Variants in MPHOSPH8 observed in about 807,000 individuals in gnomAD.
The protein encoded by MPHOSPH8 is M-phase phosphoprotein 8.
Under a neutral mutation model 87.3 loss-of-function variants are expected in MPHOSPH8, and 45 were observed. The ratio of observed to expected loss-of-function variants is 0.52; its 90% CI spans 0.41 to 0.66. The LOEUF (loss-of-function observed/expected upper bound fraction) is 0.66. Among genes scored for constraint, MPHOSPH8 ranks in the 30% least tolerant of loss-of-function variants. The pLI is 0.00. For missense variants in MPHOSPH8, 883 were observed against 1,020.2 expected (o/e 0.87, Z 1.83); for synonymous variants, 366 against 376.9 (o/e 0.97, Z 0.33).
Position 19,633,670 on chromosome 13 carries a change from G to C in MPHOSPH8, c.-79G>C. ...TCCGTTACGCCGCTGATGTGGAGTA[G>C]GGCCGAGCGCGGAACGCGAGGGGCT... On this transcript the variant is annotated 5_prime_UTR_variant, in exon 1 of 14. Transcript: ENST00000361479. 6.8e-7 allele frequency: 1 copy of C among 1,480,910 alleles called. No homozygotes were observed. The highest frequency in any genetic ancestry group is 9.2e-7 in the Non-Finnish European group (1 of 1,085,056). The allele number at this position is 1,480,910 out of a possible 1,614,324, so 91.7% of individuals were successfully genotyped here. A position where few individuals can be genotyped will look rare whatever the true frequency, so the allele number is the denominator to read the frequency against.
rs201308538 is a variant in MPHOSPH8, at chr13:19,646,928, C to T, written c.855C>T (p.Asp285=). ...ATGACAGTGAAGGGCTACATTCCGA[C>T]AGCAGAGAAGAGAAACAAAACACTA... ...PEDDSEGLHS[D]SREEKQNTKS... is the part of the protein sequence containing the mutation. Residue 285 remains aspartate (D), a synonymous_variant, in exon 3 of 14, where the codon GAC becomes GAT. Transcript: ENST00000361479. 58 of 1,598,042 alleles carry T rather than the reference C, an allele frequency of 3.6e-5. No homozygotes were observed. The highest frequency in any genetic ancestry group is 1.2e-4 in the African/African-American group (9 of 73,692).
intron 13 of MPHOSPH8, 21 bp downstream of exon 13, chr13:19,671,310 T>A: frequency 6.3e-7 from 1 of 1,586,540 alleles, no homozygotes; most frequent in Non-Finnish European, 8.6e-7. Context: ...TTTCTTCACA[T>A]TTAGTGTCAC....
chr13:19,670,985 AATTTTTTGT>A, intron 12 of MPHOSPH8: 1 of 1,161,130 alleles, frequency 8.6e-7, no homozygotes, highest in Non-Finnish European at 1.2e-6. Flanking sequence ...ACATCCGGCT[AATTTTTTGT>A]ATTTTTTGTA....
At chr13:19,656,865 C>T (rs1265671376) in intron 5 of MPHOSPH8, among the ~76,000 whole-genome samples, 1 of 151,968 alleles carries the variant, frequency 6.6e-6, no homozygotes, top group Non-Finnish European at 1.5e-5. Flanking sequence ...CACGGTGGCT[C>T]ACGCCTGTAA....
At chr13:19,639,836 GGC>G (rs1874194842) in intron 1 of MPHOSPH8, among the ~76,000 whole-genome samples, 2 of 149,460 alleles carry the variant, frequency 1.3e-5, no homozygotes, top group South Asian at 4.2e-4. Flanking sequence ...CAGGCACAGA[GGC>G]TCATGCCTGT....
chr13:19,637,746 CTG>C (rs1322917246), intron 1 of MPHOSPH8, among the ~76,000 whole-genome samples: 1 of 152,164 alleles, frequency 6.6e-6, no homozygotes, highest in Non-Finnish European at 1.5e-5. Context: ...CTTAGCTGTG[CTG>C]TCTCATCTTT....
At chr13:19,652,503 CTGTT>C (rs1231848708) in intron 5 of MPHOSPH8, among the ~76,000 whole-genome samples, 1 of 152,152 alleles carries the variant, frequency 6.6e-6, no homozygotes, top group African/African-American at 2.4e-5. Flanking sequence ...AACTGGGTGG[CTGTT>C]TGGGCCGACA....
In MPHOSPH8 at chr13:19,649,998, G is replaced by T. The variant is rs9579581; in HGVS notation, c.1319-5G>T. The stretch of plus-strand genomic sequence containing the variant: ...CTTAACCATCTATTTTAATTTTTTC[G>T]TTAGCACTTAAGGAAATCAGAAATG... On this transcript the variant is annotated splice_region_variant and splice_polypyrimidine_tract_variant and intron_variant, in intron 4 of 13. Transcript: ENST00000361479. 5 of 1,557,316 alleles carry T rather than the reference G, an allele frequency of 3.2e-6. No individual in the cohort carries two copies. Among genetic ancestry groups the T allele is most frequent in the South Asian group, 1.2e-5 (1 of 83,438 alleles).
intron 2 of MPHOSPH8, among the ~76,000 whole-genome samples, chr13:19,642,572 G>A (rs1362751201): frequency 6.6e-6 from 1 of 151,844 alleles, no homozygotes; most frequent in African/African-American, 2.4e-5. Context: ...ACTATCATTT[G>A]TTCGTCCGTG....
At chr13:19,635,433 CAGG>C (rs1873955458) in intron 1 of MPHOSPH8, among the ~76,000 whole-genome samples, 1 of 152,154 alleles carries the variant, frequency 6.6e-6, no homozygotes, top group African/African-American at 2.4e-5. Context: ...GAGGCTGAGG[CAGG>C]AGAATTGCTT....
rs983812411 is a variant in MPHOSPH8 at position 19,646,863 on chromosome 13, T to G, written c.790T>G (p.Ser264Ala). The change falls in exon 3 of 14, where the codon TCT becomes GCT. Residue 264 changes from serine to alanine, a missense_variant. This residue lies in a region of MPHOSPH8 where 741 missense variants were observed against 841.5 expected (regional missense o/e 0.88). Transcript: ENST00000361479. ...AAAATTTGTCGAATCCCAGGTGGAATCTGAATCAAGTGTACTTAATGATTC... is the reference window on the plus strand; with the variant it reads ...AAAATTTGTCGAATCCCAGGTGGAAGCTGAATCAAGTGTACTTAATGATTC... ...KEKFVESQVESESSVLNDSPF... is the reference protein window; with the variant it reads ...KEKFVESQVEAESSVLNDSPF... 6.2e-7 allele frequency: 1 copy of G among 1,606,258 alleles called. No homozygotes were observed. Among genetic ancestry groups the G allele is most frequent in the Non-Finnish European group, 8.5e-7 (1 of 1,178,328 alleles).
chr13:19,649,992 T>G lies in MPHOSPH8; in HGVS notation c.1319-11T>G. On this transcript the variant is annotated splice_polypyrimidine_tract_variant and intron_variant, in intron 4 of 13. Transcript: ENST00000361479. ...CTCATACTTAACCATCTATTTTAAT[T>G]TTTTCGTTAGCACTTAAGGAAATCA... 6.5e-7 allele frequency: 1 copy of G among 1,548,258 alleles called. No homozygotes were observed. Among genetic ancestry groups the G allele is most frequent in the South Asian group, 1.2e-5 (1 of 82,412 alleles).
chr13:19,636,614 GGAC>G (rs1287032254), intron 1 of MPHOSPH8, among the ~76,000 whole-genome samples: 33 of 151,714 alleles, frequency 2.2e-4, no homozygotes, highest in African/African-American at 8.0e-4. Context: ...GGAGTAGATG[GGAC>G]TATAGGTGTG....
chr13:19,640,792 A>G (rs1185480840), intron 1 of MPHOSPH8, among the ~76,000 whole-genome samples: 1 of 152,202 alleles, frequency 6.6e-6, no homozygotes, highest in African/African-American at 2.4e-5. Flanking sequence ...AAGTACAAAA[A>G]AAATGGAAAA....
intron 9 of MPHOSPH8, among the ~76,000 whole-genome samples, chr13:19,664,939 A>G (rs1241119134): frequency 6.6e-6 from 1 of 152,112 alleles, no homozygotes; most frequent in Non-Finnish European, 1.5e-5. Flanking sequence ...ATAGATGGAA[A>G]GAGCCTGCGT....
rs772836023 is a variant in MPHOSPH8, at chr13:19,647,221, C to A, written c.1148C>A (p.Ala383Asp). Residue 383 changes from alanine to aspartate, a missense_variant, in exon 3 of 14, where the codon GCC (alanine) becomes GAC (aspartate). Ala to Asp is a moderately radical substitution (Grantham distance 126, BLOSUM62 -2). This residue lies in a region of MPHOSPH8 where 741 missense variants were observed against 841.5 expected (regional missense o/e 0.88). Transcript: ENST00000361479. The part of the protein sequence containing the change: ...AELEKLMPVS[A>D]QTPKGRRLSG... ...TTAGAGAAGCTGATGCCTGTATCTG[C>A]CCAAACGCCAAAGGGCCGGAGGTTG... 1 of 1,614,052 alleles carries A rather than the reference C, an allele frequency of 6.2e-7. No individual in the cohort carries two copies. The highest frequency in any genetic ancestry group is 1.1e-5 in the South Asian group (1 of 91,072).
At chr13:19,644,976 A>T (rs776225656) in intron 2 of MPHOSPH8, among the ~76,000 whole-genome samples, 13 of 151,794 alleles carry the variant, frequency 8.6e-5, no homozygotes, top group East Asian at 1.9e-4. Context: ...TTAAAAAAAA[A>T]TTTTTTTTTA....
chr13:19,659,008 G>T lies in MPHOSPH8; in HGVS notation c.1590G>T (p.Gln530His). The change falls in exon 6 of 14, where the codon CAG becomes CAT. Residue 530 changes from glutamine (Q) to histidine (H), a missense_variant. Physicochemically the swap from Gln to His is conservative, Grantham distance 24 (BLOSUM62 0). Around this residue, in one of 3 missense-constraint regions of MPHOSPH8, gnomAD observed 741 missense variants for 841.5 expected, o/e 0.88. Coordinates refer to ENST00000361479, the MANE Select transcript of MPHOSPH8 (RefSeq NM_017520.4). ...TGTGTGTTCCAGATGGCAGGCAGCA[G>T]ATTCTGAGTTTGGGCATGGACCTGC... ...QADENSDGRQ[Q>H]ILSLGMDLQL... 2 of 1,613,430 alleles carry T rather than the reference G, an allele frequency of 1.2e-6. No individual in the cohort carries two copies. Among genetic ancestry groups the T allele is most frequent in the South Asian group, 1.1e-5 (1 of 90,704 alleles).
chr13:19,671,110 T>C (rs1435381786), intron 12 of MPHOSPH8, 96 bp from the exon 13 acceptor site: 19 of 1,504,790 alleles, frequency 1.3e-5, no homozygotes, highest in East Asian at 2.5e-5. Context: ...AAATAAAAAA[T>C]AAAACTTATT....
Sources: allele counts gnomAD v4.1 joint callset (sites outside exome capture counted in the v4.1 genomes callset), GRCh38; gene constraint gnomAD v4.1.1; regional missense constraint gnomAD v4.1.1; transcripts MANE v1.5; gene names NCBI Gene and HGNC (gene_info 2026-07-23, HGNC 2026-07-21).